The following CCBE1 variants were observed in gnomAD, a reference collection of about 807,000 sequenced individuals.
The protein encoded by CCBE1 is collagen and calcium binding EGF domains 1, also known as collagen and calcium-binding EGF domain-containing protein 1.
A neutral mutation model predicts 50.0 loss-of-function variants in CCBE1; 37 were observed. The ratio of observed to expected loss-of-function variants is 0.74; its 90% CI spans 0.57 to 0.97. The LOEUF (loss-of-function observed/expected upper bound fraction) is 0.97, where lower values mean the gene tolerates loss of function less well. Among genes scored for constraint, CCBE1 ranks in the 50% least tolerant of loss-of-function variants. CCBE1 has a pLI of 0.00. For synonymous variants in CCBE1, 234 were observed against 203.7 expected (o/e 1.15, Z -1.27); for missense variants, 538 against 523.8 (o/e 1.03, Z -0.26).
chr18:59,607,944 C>T lies in CCBE1; in HGVS notation c.212+88685G>A, dbSNP rs556754281. Among the ~76,000 whole-genome samples, 12 of 152,166 alleles carry T rather than the reference C, an allele frequency of 7.9e-5. No homozygotes were observed. In the South Asian group the frequency reaches 1.5e-3, roughly 18 times the overall value. ...ACTAAAAATTAGCTGTGTGTTGTGG[C>T]GTGTGCCTGTAGTCCCAGCTACTCA... On this transcript the variant is annotated intron_variant, in intron 2 of 10. Coordinates refer to ENST00000439986, the MANE Select transcript of CCBE1 (RefSeq NM_133459.4).
chr18:59,623,807 G>C (rs927811390), intron 2 of CCBE1, among the ~76,000 whole-genome samples: 1 of 152,092 alleles, frequency 6.6e-6, no homozygotes, highest in Admixed American at 6.6e-5. Flanking sequence ...TGTTTTCAAG[G>C]ACACACATGA....
intron 2 of CCBE1, among the ~76,000 whole-genome samples, chr18:59,620,558 T>C (rs551585678): frequency 6.6e-6 from 1 of 152,312 alleles, no homozygotes; most frequent in East Asian, 1.9e-4. Context: ...TCTTGAATCA[T>C]AGCTCCCACA....
At chr18:59,600,237 G>A (rs2053412053) in intron 2 of CCBE1, among the ~76,000 whole-genome samples, 1 of 151,960 alleles carries the variant, frequency 6.6e-6, no homozygotes. Context: ...TCACAGGAGG[G>A]CTAACTCTCT....
intron 2 of CCBE1, among the ~76,000 whole-genome samples, chr18:59,559,520 A>G (rs1599012949): frequency 6.6e-6 from 1 of 152,228 alleles, no homozygotes; most frequent in East Asian, 1.9e-4. Context: ...GAAGAAGGAC[A>G]TTGCTGCGCA....
chr18:59,455,579 G>A (rs564595204), intron 5 of CCBE1, among the ~76,000 whole-genome samples: 1 of 152,202 alleles, frequency 6.6e-6, no homozygotes, highest in African/African-American at 2.4e-5. Context: ...GTGCTCCATG[G>A]GCTTTTTGTA....
chr18:59,560,004 C>T (rs937970191), intron 2 of CCBE1, among the ~76,000 whole-genome samples: 2 of 152,190 alleles, frequency 1.3e-5, no homozygotes, highest in East Asian at 3.9e-4. Flanking sequence ...GGGCTATATG[C>T]ATAGCCCTAC....
intron 2 of CCBE1, among the ~76,000 whole-genome samples, chr18:59,534,765 C>T (rs988892470): frequency 1.3e-5 from 2 of 152,210 alleles, no homozygotes; most frequent in Non-Finnish European, 2.9e-5. Context: ...AGGAGAACTT[C>T]TGGCCCCAGA....
intron 2 of CCBE1, among the ~76,000 whole-genome samples, chr18:59,562,319 G>A (rs1351384744): frequency 1.3e-5 from 2 of 152,122 alleles, no homozygotes; most frequent in Non-Finnish European, 2.9e-5. Context: ...TATCTTTTTA[G>A]ATTATTAACT....
intron 2 of CCBE1, among the ~76,000 whole-genome samples, chr18:59,572,689 T>C (rs541960948): frequency 3.3e-5 from 5 of 152,314 alleles, no homozygotes; most frequent in African/African-American, 1.2e-4. Context: ...GTTTGCTTAA[T>C]AGGGAGGCAG....
chr18:59,577,687 G>A (rs1040107113), intron 2 of CCBE1, among the ~76,000 whole-genome samples: 1 of 152,200 alleles, frequency 6.6e-6, no homozygotes, highest in African/African-American at 2.4e-5. Flanking sequence ...AACAAACGAG[G>A]TAGTTGTAGT....
intron 2 of CCBE1, among the ~76,000 whole-genome samples, chr18:59,633,727 G>GT (rs1046606299): frequency 1.3e-5 from 2 of 148,762 alleles, no homozygotes; most frequent in African/African-American, 5.2e-5. Flanking sequence ...TAAATTTAGG[G>GT]TTTGTTTTTT....
chr18:59,441,836 A>G (rs1321626636), intron 7 of CCBE1, among the ~76,000 whole-genome samples: 1 of 152,252 alleles, frequency 6.6e-6, no homozygotes, highest in Non-Finnish European at 1.5e-5. Context: ...GATAAAATGA[A>G]GCATCCAAAA....
intron 3 of CCBE1, among the ~76,000 whole-genome samples, chr18:59,473,714 A>C (rs75527547): frequency 9.4e-5 from 4 of 42,408 alleles, no homozygotes; most frequent in Admixed American, 3.2e-4. Context: ...CCCCCCTACT[A>C]CTCACCTTCC....
chr18:59,600,849 CTT>C (rs1355884543), intron 2 of CCBE1, among the ~76,000 whole-genome samples: 2 of 151,996 alleles, frequency 1.3e-5, no homozygotes, highest in Non-Finnish European at 2.9e-5. Context: ...ACCAATCTTC[CTT>C]CAAGAAGGCT....
intron 2 of CCBE1, among the ~76,000 whole-genome samples, chr18:59,583,654 C>CGTGTGTGTGTGTGTGTGT (rs752150539): frequency 7.0e-6 from 1 of 142,106 alleles, no homozygotes; most frequent in African/African-American, 2.6e-5. Context: ...CACTGCTTTG[C>CGTGTGTGTGTGTGTGTGT]GTGTGTGTGT....
intron 2 of CCBE1, among the ~76,000 whole-genome samples, chr18:59,587,948 A>G (rs1428374895): frequency 2.0e-5 from 3 of 152,254 alleles, no homozygotes; most frequent in Admixed American, 6.5e-5. Context: ...AAAGAACTCT[A>G]CAAAGAAAAT....
intron 2 of CCBE1, among the ~76,000 whole-genome samples, chr18:59,656,635 A>G (rs947068983): frequency 6.6e-6 from 1 of 152,184 alleles, no homozygotes; most frequent in Non-Finnish European, 1.5e-5. Flanking sequence ...AATTATTTGT[A>G]TGTGCATCTA....
intron 2 of CCBE1, among the ~76,000 whole-genome samples, chr18:59,691,251 G>A (rs1428901810): frequency 6.6e-6 from 1 of 152,226 alleles, no homozygotes; most frequent in African/African-American, 2.4e-5. Context: ...GAGGACAGAT[G>A]GCTCATGCTC....
At chr18:59,524,052 G>A (rs898280399) in intron 2 of CCBE1, among the ~76,000 whole-genome samples, 4 of 152,178 alleles carry the variant, frequency 2.6e-5, no homozygotes, top group Admixed American at 2.0e-4. Flanking sequence ...CGGGCTTATT[G>A]TCTCACGCCT....
Sources: allele counts gnomAD v4.1 joint callset (sites outside exome capture counted in the v4.1 genomes callset), GRCh38; gene constraint gnomAD v4.1.1; transcripts MANE v1.5; gene names NCBI Gene and HGNC (gene_info 2026-07-23, HGNC 2026-07-21).